Variants in AKAP6 observed in about 807,000 individuals in gnomAD.
The protein encoded by AKAP6 is A-kinase anchoring protein 6.
AKAP6 carries 58 observed loss-of-function variants against 188.5 expected under a neutral mutation model. The observed-to-expected ratio is 0.31, with a 90% CI of 0.25 to 0.38. The LOEUF is 0.38. Ranked by LOEUF, AKAP6 falls within the 10% of genes least tolerant of loss-of-function variation. AKAP6 has a pLI of 1.00. For synonymous variants in AKAP6, 989 were observed against 998.6 expected (o/e 0.99, Z 0.18); for missense variants, 2,710 against 2,740.0 (o/e 0.99, Z 0.24).
At chr14:32,454,638 TCCCTCCC>T (rs1891059890) in intron 2 of AKAP6, among the ~76,000 whole-genome samples, 4 of 140,794 alleles carry the variant, frequency 2.8e-5, no homozygotes, top group African/African-American at 5.5e-5. Flanking sequence ...CTTCCTTCCC[TCCCTCCC>T]TCCTTCCCTC....
In AKAP6 at chr14:32,829,829, A is replaced by G. The variant is rs1566744505; in HGVS notation, c.*43-19A>G. ...TACATTTCTGAAACCTTTTCTTGTCACTTTTTTGTTTCTTGTAGATACGCC... is the reference window on the plus strand; with the variant it reads ...TACATTTCTGAAACCTTTTCTTGTCGCTTTTTTGTTTCTTGTAGATACGCC... On this transcript the variant is annotated intron_variant, in intron 13 of 13. Transcript: ENST00000280979. 1.5e-6 allele frequency: 1 copy of G among 689,300 alleles called. No homozygotes were observed. The highest frequency in any genetic ancestry group is 2.7e-5 in the East Asian group (1 of 36,672). The allele number at this position is 689,300 out of a possible 1,614,324, so 42.7% of individuals were successfully genotyped here. A position where few individuals can be genotyped will look rare whatever the true frequency, so the allele number is the denominator to read the frequency against.
chr14:32,802,925 T>C (rs1997899), intron 12 of AKAP6, among the ~76,000 whole-genome samples: 72,024 of 149,342 alleles, frequency 0.48, 17,253 homozygotes, highest in Non-Finnish European at 0.5. Context: ...TGGTGAAACC[T>C]CATTTCTACT....
At chr14:32,335,019 T>G (rs1250627400) in intron 1 of AKAP6, among the ~76,000 whole-genome samples, 8 of 152,134 alleles carry the variant, frequency 5.3e-5, no homozygotes, top group Non-Finnish European at 1.2e-4. Flanking sequence ...AGTGCAATCA[T>G]TACTCCCTGC....
At chr14:32,787,620 C>T (rs914945452) in intron 12 of AKAP6, among the ~76,000 whole-genome samples, 4 of 152,020 alleles carry the variant, frequency 2.6e-5, no homozygotes, top group African/African-American at 9.7e-5. Flanking sequence ...TGAAAAACCT[C>T]CTGTAAAATT....
intron 1 of AKAP6, among the ~76,000 whole-genome samples, chr14:32,390,625 G>A (rs112308711): frequency 2.0e-5 from 3 of 152,054 alleles, no homozygotes; most frequent in African/African-American, 7.2e-5. Flanking sequence ...CTCTCTTCTG[G>A]ATCTAGCCAG....
Position 32,678,330 on chromosome 14 carries a change from A to T in AKAP6, c.2750A>T (p.Tyr917Phe). The change falls in exon 8 of 14, where the codon TAC becomes TTC. Residue 917 changes from tyrosine to phenylalanine, a missense_variant. Coordinates refer to ENST00000280979, the MANE Select transcript of AKAP6 (RefSeq NM_004274.5). ...TTCCAGGCTGAGGTTCAACTATGCT[A>T]CCTGGAAGCACAAAGAGATGCTGTT... The part of the protein sequence containing the change: ...GSPKAEVQLC[Y>F]LEAQRDAVEQ... The T allele has an allele frequency of 6.2e-7, 1 of 1,612,764 alleles. No individual in the cohort carries two copies. Among genetic ancestry groups the T allele is most frequent in the South Asian group, 1.1e-5 (1 of 90,972 alleles).
chr14:32,564,170 T>C (rs961613812), intron 4 of AKAP6, among the ~76,000 whole-genome samples: 1 of 152,156 alleles, frequency 6.6e-6, no homozygotes, highest in Non-Finnish European at 1.5e-5. Context: ...GTTTAGAGAA[T>C]AATGACAAGA....
chr14:32,370,649 A>C (rs1887976516), intron 1 of AKAP6, among the ~76,000 whole-genome samples: 1 of 152,256 alleles, frequency 6.6e-6, no homozygotes, highest in African/African-American at 2.4e-5. Flanking sequence ...AGCAACTTGC[A>C]TAAGATAAAT....
chr14:32,659,397 G>A (rs1165992174), intron 7 of AKAP6, among the ~76,000 whole-genome samples: 2 of 152,096 alleles, frequency 1.3e-5, no homozygotes, highest in East Asian at 3.9e-4. Flanking sequence ...ACTGCAAGCA[G>A]ATCTGCCTTG....
At chr14:32,389,135 G>A (rs994961687) in intron 1 of AKAP6, among the ~76,000 whole-genome samples, 4 of 152,090 alleles carry the variant, frequency 2.6e-5, no homozygotes, top group Admixed American at 2.6e-4. Flanking sequence ...TTTAAAGTTT[G>A]TTTTGTCTGA....
intron 9 of AKAP6, among the ~76,000 whole-genome samples, chr14:32,717,616 A>T (rs1053588325): frequency 6.6e-6 from 1 of 151,568 alleles, no homozygotes; most frequent in South Asian, 2.1e-4. Flanking sequence ...TATCACACAC[A>T]CACACACACA....
At chr14:32,489,385 T>C (rs910918054) in intron 2 of AKAP6, among the ~76,000 whole-genome samples, 1 of 152,112 alleles carries the variant, frequency 6.6e-6, no homozygotes, top group East Asian at 1.9e-4. Context: ...ATTTTTAAAA[T>C]TTTTTATAGA....
chr14:32,605,165 TAGAC>T (rs1236940465), intron 7 of AKAP6, among the ~76,000 whole-genome samples: 1 of 152,080 alleles, frequency 6.6e-6, no homozygotes, highest in Non-Finnish European at 1.5e-5. Flanking sequence ...TTATAAATAA[TAGAC>T]AAATATTATA....
intron 12 of AKAP6, among the ~76,000 whole-genome samples, chr14:32,777,749 A>T (rs2033111554): frequency 6.6e-6 from 1 of 152,218 alleles, no homozygotes; most frequent in Non-Finnish European, 1.5e-5. Context: ...AATAAAAGGA[A>T]GGTGGAAGCT....
intron 9 of AKAP6, chr14:32,718,262 A>G (rs2030332281): frequency 1.0e-6 from 1 of 985,306 alleles, no homozygotes; most frequent in Non-Finnish European, 1.2e-6. Context: ...AGAACAGCAA[A>G]AAAAAGAACA....
intron 12 of AKAP6, among the ~76,000 whole-genome samples, chr14:32,796,603 C>T (rs1196848956): frequency 6.6e-6 from 1 of 152,172 alleles, no homozygotes; most frequent in Non-Finnish European, 1.5e-5. Flanking sequence ...AACTGGACCT[C>T]TTTTTTATAC....
intron 7 of AKAP6, among the ~76,000 whole-genome samples, chr14:32,605,689 T>A (rs1026775417): frequency 6.6e-6 from 1 of 152,236 alleles, no homozygotes; most frequent in Non-Finnish European, 1.5e-5. Flanking sequence ...TTAGCCATTA[T>A]GTCAGTCCTC....
chr14:32,427,235 G>T (rs141372405), intron 1 of AKAP6, among the ~76,000 whole-genome samples: 1 of 152,296 alleles, frequency 6.6e-6, no homozygotes, highest in African/African-American at 2.4e-5. Flanking sequence ...ATTAATCTGG[G>T]GCTACTGCAG....
At chr14:32,529,183 C>T (rs757656181) in intron 2 of AKAP6, among the ~76,000 whole-genome samples, 3 of 152,098 alleles carry the variant, frequency 2.0e-5, no homozygotes, top group Non-Finnish European at 2.9e-5. Context: ...AGATCTTGTA[C>T]ATATGTTTTT....
Sources: allele counts gnomAD v4.1 joint callset (sites outside exome capture counted in the v4.1 genomes callset), GRCh38; gene constraint gnomAD v4.1.1; transcripts MANE v1.5; gene names NCBI Gene and HGNC (gene_info 2026-07-23, HGNC 2026-07-21).